The following DOK7 variants were observed in gnomAD, a reference collection of about 807,000 sequenced individuals.
The protein encoded by DOK7 is protein Dok-7.
In DOK7, 32 loss-of-function variants were observed where a neutral mutation model predicts 30.7. The ratio of observed to expected loss-of-function variants is 1.04; its 90% CI spans 0.79 to 1.40. The LOEUF (loss-of-function observed/expected upper bound fraction) is 1.40. Among genes scored for constraint, DOK7 ranks in the 40% most tolerant of loss-of-function variants. The probability of loss-of-function intolerance (pLI) is 0.00; values close to 1 mark genes in which losing one functional copy is unlikely to be tolerated. For missense variants in DOK7, 1,007 were observed against 699.2 expected (o/e 1.44, Z -4.97); for synonymous variants, 447 against 324.1 (o/e 1.38, Z -4.07).
chr4:3,493,214 A>C lies in DOK7; in HGVS notation c.1228A>C (p.Ser410Arg), dbSNP rs547633164. Residue 410 changes from serine (S) to arginine (R), a missense_variant, in exon 7 of 7, where the codon AGC (serine) becomes CGC (arginine). Physicochemically the swap from Ser to Arg is moderately radical, Grantham distance 110 (BLOSUM62 -1). Transcript: ENST00000340083. Reference protein sequence around the residue: ...SLRAHYDTPRSLCLAPRDHSP... With the variant: ...SLRAHYDTPRRLCLAPRDHSP... Reference sequence around the variant, plus strand: ...GCGGGCCCACTATGACACACCACGCAGCCTTTGCCTGGCTCCTAGAGACCA... The same window carrying C: ...GCGGGCCCACTATGACACACCACGCCGCCTTTGCCTGGCTCCTAGAGACCA... 1.2e-6 allele frequency: 2 copies of C among 1,611,926 alleles called. No individual in the cohort carries two copies. The highest frequency in any genetic ancestry group is 3.3e-5 in the Admixed American group (2 of 59,956).
At chr4:3,501,011 T>G (rs1353593649) in exon 8 of DOK7, 5 of 927,054 alleles carry the variant, frequency 5.4e-6, no homozygotes, top group Middle Eastern at 3.4e-4. Flanking sequence ...CCAGGCCTCC[T>G]GCCTCACAGG....
At chr4:3,497,615 C>T (rs958932777), downstream of DOK7, among the ~76,000 whole-genome samples, 2 of 152,044 alleles carry the variant, frequency 1.3e-5, no homozygotes, top group Non-Finnish European at 2.9e-5. Flanking sequence ...GCGGGCTAAA[C>T]CTTGGATTCC....
At chr4:3,478,755 C>T (rs1004444219) in intron 4 of DOK7, among the ~76,000 whole-genome samples, 17 of 152,256 alleles carry the variant, frequency 1.1e-4, no homozygotes, top group African/African-American at 3.6e-4. Context: ...AAGGCTTGGC[C>T]GAGCCACCCA....
chr4:3,490,338 TC>T (rs1260330469), intron 6 of DOK7, among the ~76,000 whole-genome samples: 1 of 114,462 alleles, frequency 8.7e-6, no homozygotes, highest in Non-Finnish European at 1.8e-5. Context: ...CTCCATTCAT[TC>T]CTTCCTTTTC....
chr4:3,463,598 G>A, intron 2 of DOK7, 47 bp downstream of exon 2: 1 of 1,521,592 alleles, frequency 6.6e-7, no homozygotes, highest in South Asian at 1.2e-5. Context: ...TAGCGACACG[G>A]GTTACCGAGG....
chr4:3,477,349 G>A (rs1390911878), intron 4 of DOK7, among the ~76,000 whole-genome samples: 1 of 152,260 alleles, frequency 6.6e-6, no homozygotes, highest in East Asian at 1.9e-4. Flanking sequence ...TTGGGGCTGA[G>A]AGGACTGAGG....
intron 4 of DOK7, chr4:3,484,456 C>T (rs1727630412): frequency 3.1e-6 from 3 of 979,630 alleles, no homozygotes; most frequent in Non-Finnish European, 3.6e-6. Flanking sequence ...TTTCTTTGGG[C>T]AATGGGCAGA....
intron 5 of DOK7, among the ~76,000 whole-genome samples, chr4:3,489,229 G>A (rs1222389633): frequency 6.6e-6 from 1 of 152,184 alleles, no homozygotes; most frequent in Non-Finnish European, 1.5e-5. Flanking sequence ...ACACTGCAAG[G>A]TGGGCGGGCA....
At chr4:3,498,690 C>G (rs1386536063), downstream of DOK7, among the ~76,000 whole-genome samples, 1 of 152,178 alleles carries the variant, frequency 6.6e-6, no homozygotes, top group Admixed American at 6.5e-5. Flanking sequence ...GCCCTGCTGG[C>G]CCTGTCCCTG....
At chr4:3,496,170 C>G (rs564008860), downstream of DOK7, among the ~76,000 whole-genome samples, 1 of 152,252 alleles carries the variant, frequency 6.6e-6, no homozygotes, top group Non-Finnish European at 1.5e-5. Flanking sequence ...CTGTCCCTCC[C>G]GCAAGCGCCC....
chr4:3,493,431 C>G lies in DOK7; in HGVS notation c.1445C>G (p.Ala482Gly). Residue 482 changes from alanine to glycine, a missense_variant, in exon 7 of 7, where the codon GCG (alanine) becomes GGG (glycine). Transcript: ENST00000340083. ...GEPWEAGGPHAGPPPAFFSAC... is the reference protein window; with the variant it reads ...GEPWEAGGPHGGPPPAFFSAC... The stretch of plus-strand genomic sequence containing the variant: ...CCCTGGGAAGCAGGCGGCCCCCACG[C>G]GGGGCCACCCCCGGCTTTCTTTTCG... 6.2e-7 allele frequency: 1 copy of G among 1,603,780 alleles called. No homozygotes were observed.
chr4:3,467,562 TGC>T (rs970820185), intron 2 of DOK7, among the ~76,000 whole-genome samples: 3 of 150,974 alleles, frequency 2.0e-5, no homozygotes, highest in African/African-American at 7.3e-5. Flanking sequence ...TGTGTGCACG[TGC>T]GTGTGTGTGT....
In DOK7 at chr4:3,490,075, TTTC is replaced by T. The variant is rs1320217007; in HGVS notation, c.772+283_772+285del. On this transcript the variant is annotated intron_variant, in intron 6 of 6. Coordinates refer to ENST00000340083, the MANE Select transcript of DOK7 (RefSeq NM_173660.5). ...ATTAATTCCTTCCTCCCCCCATTCC[TTTC>T]TTCACCCCCTCATTCATTCCTTTCT... 4.2e-5 allele frequency among the ~76,000 whole-genome samples: 5 copies of T among 119,840 alleles called. No individual in the cohort carries two copies. The East Asian group carries it at 1.1e-3, about 28-fold the overall frequency. The allele number at this position is 119,840 out of a possible 152,430, so 78.6% of individuals were successfully genotyped here.
intron 4 of DOK7, among the ~76,000 whole-genome samples, chr4:3,480,570 T>C (rs1333440474): frequency 2.0e-5 from 3 of 152,176 alleles, no homozygotes; most frequent in Non-Finnish European, 2.9e-5. Context: ...ATCCCGCCAT[T>C]GCAGTCCAGC....
Position 3,489,660 on chromosome 4 carries a change from T to C in DOK7, c.653-17T>C. 1 of 1,563,192 alleles carries C rather than the reference T, an allele frequency of 6.4e-7. No individual in the cohort carries two copies. The highest frequency in any genetic ancestry group is 8.7e-7 in the Non-Finnish European group (1 of 1,154,180). On this transcript the variant is annotated splice_polypyrimidine_tract_variant and intron_variant, in intron 5 of 6. Coordinates refer to ENST00000340083, the MANE Select transcript of DOK7 (RefSeq NM_173660.5). ...GGTGGTGGCCACCTCCTCCACCGAG[T>C]CTTCTCTCTGCCACAGACCCAAGTC...
rs141141719 is a variant in DOK7 at position 3,489,689 on chromosome 4, C to A, written c.665C>A (p.Pro222Gln). Residue 222 changes from proline (P) to glutamine (Q), a missense_variant, in exon 6 of 7, where the codon CCG becomes CAG. Pro to Gln is a moderately conservative substitution (Grantham distance 76, BLOSUM62 -1). Transcript: ENST00000340083. ...CTCTCTGCCACAGACCCAAGTCCCC[C>A]GGGACCCTCGACTGTGGAGGAGCGT... ...LRPVLPDPSP[P>Q]GPSTVEERVA... 1 of 1,565,108 alleles carries A rather than the reference C, an allele frequency of 6.4e-7. No individual in the cohort carries two copies. Among genetic ancestry groups the A allele is most frequent in the Non-Finnish European group, 8.7e-7 (1 of 1,155,038 alleles).
intron 2 of DOK7, among the ~76,000 whole-genome samples, chr4:3,468,905 CTGTG>C (rs200693739): frequency 4.8e-4 from 65 of 134,968 alleles, no homozygotes; most frequent in African/African-American, 1.2e-3. Flanking sequence ...GTGTGCATGT[CTGTG>C]TGTGTATGTG....
chr4:3,495,277 G>A (rs147987138), downstream of DOK7, among the ~76,000 whole-genome samples: 384 of 152,346 alleles, frequency 2.5e-3, 1 homozygote, highest in African/African-American at 8.5e-3. Flanking sequence ...GTTGCAGGAC[G>A]AGTGAGGCTG....
chr4:3,492,368 G>A (rs925757135), intron 6 of DOK7, among the ~76,000 whole-genome samples: 2 of 151,994 alleles, frequency 1.3e-5, no homozygotes, highest in African/African-American at 4.8e-5. Context: ...CCGTGATGGT[G>A]CGGAGGGCAA....
Sources: gnomAD v4.1 joint callset for allele counts (sites outside exome capture counted in the v4.1 genomes callset) on GRCh38, gnomAD v4.1.1 for gene constraint, MANE v1.5 for transcripts, NCBI Gene and HGNC (gene_info 2026-07-23, HGNC 2026-07-21) for gene names.